Variants in PPP2R5C observed in about 807,000 individuals in gnomAD.
The protein encoded by PPP2R5C is protein phosphatase 2 regulatory subunit B'gamma, also known as serine/threonine-protein phosphatase 2A 56 kDa regulatory subunit gamma isoform.
PPP2R5C carries 7 observed loss-of-function variants against 68.9 expected under a neutral mutation model. The observed-to-expected ratio is 0.10, with a 90% CI of 0.06 to 0.19. PPP2R5C has a LOEUF of 0.19. Among genes scored for constraint, PPP2R5C ranks in the 10% least tolerant of loss-of-function variants. PPP2R5C has a pLI of 1.00. For synonymous variants in PPP2R5C, 210 were observed against 222.2 expected (o/e 0.95, Z 0.49); for missense variants, 348 against 641.3 (o/e 0.54, Z 4.94).
chr14:101,893,404 A>C (rs895422806), intron 7 of PPP2R5C, among the ~76,000 whole-genome samples: 1 of 152,224 alleles, frequency 6.6e-6, no homozygotes, highest in African/African-American at 2.4e-5. Flanking sequence ...AGTGTAATCT[A>C]AAATTCAGTA....
intron 2 of PPP2R5C, among the ~76,000 whole-genome samples, chr14:101,782,012 T>TCTCCCTGTGTGCCTCCTTCC (rs2037726918): frequency 6.8e-6 from 1 of 147,476 alleles, no homozygotes; most frequent in Non-Finnish European, 1.5e-5. Flanking sequence ...TTCATCCTTC[T>TCTCCCTGTGTGCCTCCTTCC]CTCCCTGTGT....
intron 1 of PPP2R5C, chr14:101,819,012 C>T: frequency 6.4e-7 from 1 of 1,551,198 alleles, no homozygotes. Flanking sequence ...CTGAAGAACC[C>T]TCAAGCCCTA....
intron 1 of PPP2R5C, among the ~76,000 whole-genome samples, chr14:101,843,167 A>G (rs2041605079): frequency 6.6e-6 from 1 of 152,184 alleles, no homozygotes; most frequent in Non-Finnish European, 1.5e-5. Context: ...AGTTGAGGCT[A>G]CAGTGAGCTG....
chr14:101,858,101 C>T (rs1182127334), intron 2 of PPP2R5C, among the ~76,000 whole-genome samples: 2 of 152,078 alleles, frequency 1.3e-5, no homozygotes, highest in Non-Finnish European at 2.9e-5. Flanking sequence ...GGTTCCTGTC[C>T]CAGACTTGTG....
At chr14:101,841,174 A>G (rs1424780418) in intron 1 of PPP2R5C, among the ~76,000 whole-genome samples, 1 of 152,184 alleles carries the variant, frequency 6.6e-6, no homozygotes, top group Non-Finnish European at 1.5e-5. Flanking sequence ...TCACTAAGGT[A>G]GTCAGAGGTG....
At chr14:101,794,333 A>G (rs546584560) in intron 3 of PPP2R5C, among the ~76,000 whole-genome samples, 11 of 152,372 alleles carry the variant, frequency 7.2e-5, no homozygotes, top group Non-Finnish European at 1.6e-4. Context: ...CAATATTGAT[A>G]TTACTGCAAA....
At chr14:101,919,432 T>G (rs56139445) in intron 13 of PPP2R5C, among the ~76,000 whole-genome samples, 29,782 of 152,182 alleles carry the variant, frequency 0.2, 4,721 homozygotes, top group African/African-American at 0.43. Context: ...AATCTGTATA[T>G]ATTTCTCTCT....
intron 9 of PPP2R5C, among the ~76,000 whole-genome samples, chr14:101,903,654 A>G (rs544290714): frequency 3.3e-5 from 5 of 151,570 alleles, no homozygotes; most frequent in South Asian, 2.1e-4. Flanking sequence ...ACACATATGC[A>G]TAAGGCCAAC....
At chr14:101,873,209 C>G (rs770529598) in intron 2 of PPP2R5C, among the ~76,000 whole-genome samples, 1 of 152,148 alleles carries the variant, frequency 6.6e-6, no homozygotes, top group Non-Finnish European at 1.5e-5. Flanking sequence ...TCTGCCAATT[C>G]TAACATTTGT....
intron 2 of PPP2R5C, among the ~76,000 whole-genome samples, chr14:101,859,857 T>G (rs1322821666): frequency 6.6e-6 from 1 of 152,138 alleles, no homozygotes; most frequent in East Asian, 1.9e-4. Context: ...TTGTTTCTTA[T>G]TGGGGATGGG....
At chr14:101,848,100 T>G (rs979664908) in intron 1 of PPP2R5C, among the ~76,000 whole-genome samples, 2 of 152,236 alleles carry the variant, frequency 1.3e-5, no homozygotes, top group Non-Finnish European at 2.9e-5. Flanking sequence ...CTGATCTTTC[T>G]TTTAAGAGAG....
At position 101,901,715 on chromosome 14, in the gene PPP2R5C, G is replaced by C. The variant is rs141771468; in HGVS notation, c.853-4G>C. ...AGTCACTCCACGTGTCATTTCTTTT[G>C]TAGGTGGTGATGGCACTTCTCAAAT... On this transcript the variant is annotated splice_polypyrimidine_tract_variant and splice_region_variant and intron_variant, in intron 8 of 13. Coordinates refer to ENST00000334743, the Ensembl canonical transcript of PPP2R5C. 4.2e-4 allele frequency: 672 copies of C among 1,612,942 alleles called. 2 individuals are homozygous for C. The African/African-American group carries it at 7.7e-3, about 19-fold the overall frequency.
intron 2 of PPP2R5C, among the ~76,000 whole-genome samples, chr14:101,773,470 G>A: frequency 6.6e-6 from 1 of 152,032 alleles, no homozygotes; most frequent in African/African-American, 2.4e-5. Flanking sequence ...AAAGATCTAG[G>A]GCAAGATATT....
At chr14:101,794,391 T>C (rs1277947689) in intron 3 of PPP2R5C, among the ~76,000 whole-genome samples, 1 of 152,226 alleles carries the variant, frequency 6.6e-6, no homozygotes, top group Non-Finnish European at 1.5e-5. Context: ...AAGAAACAGC[T>C]GTTGACTTTA....
rs540140962 is a variant in PPP2R5C at position 101,823,637 on chromosome 14, G to A, written c.94+13601G>A. ...AAACAAGTATGATTAGTCCTACTTT[G>A]ACAGCGGTGGAAACTGAAGCAGAGA... On this transcript the variant is annotated intron_variant, in intron 1 of 13. Transcript: ENST00000334743. 6.6e-5 allele frequency: 31 copies of A among 472,904 alleles called. No homozygotes were observed. In the South Asian group the frequency reaches 2.2e-3, roughly 33 times the overall value. The allele number at this position is 472,904 out of a possible 1,614,324, so 29.3% of individuals were successfully genotyped here. A position where few individuals can be genotyped will look rare whatever the true frequency, so the allele number is the denominator to read the frequency against.
At chr14:101,819,235 G>A (rs1185828750) in intron 1 of PPP2R5C, 4 of 670,814 alleles carry the variant, frequency 6.0e-6, no homozygotes, top group African/African-American at 3.6e-5. Flanking sequence ...CTTGATAATC[G>A]CTCTCTTGGA....
At chr14:101,805,631 G>A (rs1363236502), upstream of PPP2R5C, among the ~76,000 whole-genome samples, 1 of 152,186 alleles carries the variant, frequency 6.6e-6, no homozygotes, top group Non-Finnish European at 1.5e-5. Context: ...TTATTCACAA[G>A]TGACAAAAGG....
At chr14:101,850,257 T>G (rs1176149089) in intron 1 of PPP2R5C, among the ~76,000 whole-genome samples, 1 of 152,088 alleles carries the variant, frequency 6.6e-6, no homozygotes, top group East Asian at 1.9e-4. Flanking sequence ...GACTTGCAGA[T>G]GAAAGGAAAA....
At chr14:101,799,622 G>T (rs182298920) in intron 3 of PPP2R5C, among the ~76,000 whole-genome samples, 115 of 152,272 alleles carry the variant, frequency 7.6e-4, no homozygotes, top group Admixed American at 1.0e-3. Flanking sequence ...TTTCATCAGT[G>T]AGGAAAGTAC....
Sources: allele counts gnomAD v4.1 joint callset (sites outside exome capture counted in the v4.1 genomes callset), GRCh38; gene constraint gnomAD v4.1.1; transcripts MANE v1.5; gene names NCBI Gene and HGNC (gene_info 2026-07-23, HGNC 2026-07-21).